Variants in RAD52 observed in about 807,000 individuals in gnomAD.
RAD52 encodes RAD52 DNA repair protein.
Under a neutral mutation model 55.5 loss-of-function variants are expected in RAD52, and 47 were observed. The ratio of observed to expected loss-of-function variants is 0.85; its 90% confidence interval spans 0.67 to 1.08. The LOEUF (loss-of-function observed/expected upper bound fraction) is 1.08. Ranked by LOEUF, RAD52 falls within the 50% of genes least tolerant of loss-of-function variation. The pLI is 0.00. For synonymous variants in RAD52, 184 were observed against 198.9 expected, an observed-to-expected ratio of 0.92 and a Z score of 0.63; for missense variants, 468 against 522.8, an observed-to-expected ratio of 0.90 and a Z score of 1.02.
At chr12:965,972 C>G (rs925718483) in intron 1 of RAD52, among the ~76,000 whole-genome samples, 11 of 152,070 alleles carry the variant, frequency 7.2e-5, no homozygotes, top group Admixed American at 5.2e-4. Context: ...GCATGAACCA[C>G]TGTGCCTGGC....
intron 1 of RAD52, among the ~76,000 whole-genome samples, chr12:972,652 G>C (rs1958877148): frequency 6.6e-6 from 1 of 151,672 alleles, no homozygotes; most frequent in Non-Finnish European, 1.5e-5. Context: ...TGTAGTCCCA[G>C]CTACTCGGTA....
intron 1 of RAD52, among the ~76,000 whole-genome samples, chr12:986,783 T>C (rs1411467628): frequency 4.6e-5 from 7 of 151,600 alleles, no homozygotes; most frequent in Admixed American, 4.6e-4. Flanking sequence ...CTGATTATTC[T>C]GTTTAATTCT....
intron 1 of RAD52, among the ~76,000 whole-genome samples, chr12:934,630 C>T (rs1320896737): frequency 6.6e-6 from 1 of 152,106 alleles, no homozygotes; most frequent in Non-Finnish European, 1.5e-5. Flanking sequence ...AATACCCAAC[C>T]TGTACTAGCT....
intron 1 of RAD52, among the ~76,000 whole-genome samples, chr12:964,753 T>G (rs1287273237): frequency 6.6e-6 from 1 of 152,018 alleles, no homozygotes; most frequent in Admixed American, 6.6e-5. Flanking sequence ...AATTTTTTTA[T>G]GTTTATAGAA....
Position 912,402 on chromosome 12 carries a change from A to G in RAD52, c.*989T>C. On this transcript the variant is annotated 3_prime_UTR_variant, in exon 12 of 12. Coordinates refer to ENST00000358495, the MANE Select transcript of RAD52 (RefSeq NM_134424.4). Reference sequence around the variant, plus strand: ...ATTATGTGTATGAGGCATATACACGAAACACAGGTGAATTCCACGTTCAGA... The same window carrying G: ...ATTATGTGTATGAGGCATATACACGGAACACAGGTGAATTCCACGTTCAGA... 1 of 202,720 alleles carries G rather than the reference A, an allele frequency of 4.9e-6. No homozygotes were observed. Among genetic ancestry groups the G allele is most frequent in the Non-Finnish European group, 1.0e-5 (1 of 98,474 alleles). The allele number at this position is 202,720 out of a possible 1,614,324, so 12.6% of individuals were successfully genotyped here. A position where few individuals can be genotyped will look rare whatever the true frequency, so the allele number is the denominator to read the frequency against.
At chr12:990,390 G>C (rs1204685646), upstream of RAD52, 1 of 151,798 alleles carries the variant, frequency 6.6e-6, no homozygotes, top group East Asian at 1.9e-4. Flanking sequence ...CAAAACCAAA[G>C]CCGGCTGCGA....
chr12:942,835 G>GT (rs1957992011), intron 1 of RAD52, among the ~76,000 whole-genome samples: 1 of 151,566 alleles, frequency 6.6e-6, no homozygotes, highest in Non-Finnish European at 1.5e-5. Context: ...TCAGAAAGCA[G>GT]TAACTATAAA....
chr12:937,904 G>T (rs953377038), intron 1 of RAD52, among the ~76,000 whole-genome samples: 1 of 152,160 alleles, frequency 6.6e-6, no homozygotes, highest in African/African-American at 2.4e-5. Context: ...GTGCCTGACA[G>T]GAGCTGGTGT....
intron 7 of RAD52, among the ~76,000 whole-genome samples, chr12:925,029 C>T (rs1956952065): frequency 6.7e-6 from 1 of 149,884 alleles, no homozygotes; most frequent in African/African-American, 2.5e-5. Flanking sequence ...CGGCTCACTG[C>T]AAGCTCTGCC....
In RAD52 at chr12:914,011, A is replaced by C; in HGVS notation, c.1078T>G (p.Leu360Val). The C allele has an allele frequency of 6.2e-7, 1 of 1,614,156 alleles. No homozygotes were observed. The highest frequency in any genetic ancestry group is 8.5e-7 in the Non-Finnish European group (1 of 1,180,040). ...TTCTGGGTCACCATCTGGTTGTTCA[A>C]GGCTAATGTGTCAGAGGTCTGGGCT... Reference protein sequence around the residue: ...DPAQTSDTLALNNQMVTQNRT... With the variant: ...DPAQTSDTLAVNNQMVTQNRT... Residue 360 changes from leucine (L) to valine (V), a missense_variant, in exon 11 of 12, where the codon TTG becomes GTG. Coordinates refer to ENST00000358495, the MANE Select transcript of RAD52 (RefSeq NM_134424.4).
At chr12:916,878 TC>T (rs1463561276) in intron 7 of RAD52, 58 bp from the exon 8 acceptor site, 1 of 1,558,472 alleles carries the variant, frequency 6.4e-7, no homozygotes, top group Non-Finnish European at 8.7e-7. Context: ...CCGCTGCTTC[TC>T]CCTGACTCAC....
intron 7 of RAD52, among the ~76,000 whole-genome samples, chr12:919,647 A>T (rs1956603554): frequency 7.1e-6 from 1 of 139,930 alleles, no homozygotes; most frequent in Admixed American, 7.1e-5. Flanking sequence ...GCTACTCAGG[A>T]GGCTGAGGCA....
intron 7 of RAD52, among the ~76,000 whole-genome samples, chr12:920,673 G>A (rs560151680): frequency 1.3e-5 from 2 of 152,056 alleles, no homozygotes; most frequent in Non-Finnish European, 2.9e-5. Context: ...GGATTGTAAG[G>A]TGAAATAAAA....
chr12:983,648 G>A (rs1959049282), intron 1 of RAD52, among the ~76,000 whole-genome samples: 1 of 152,126 alleles, frequency 6.6e-6, no homozygotes, highest in African/African-American at 2.4e-5. Context: ...TCCAACTCCT[G>A]ACCTCAGGTG....
At chr12:972,685 GA>G (rs1291783481) in intron 1 of RAD52, among the ~76,000 whole-genome samples, 1 of 147,230 alleles carries the variant, frequency 6.8e-6, no homozygotes, top group Non-Finnish European at 1.5e-5. Context: ...AGAATGGCGT[GA>G]ACCCAGGAGG....
In RAD52 at chr12:986,032, T is replaced by G. The variant is rs373966213; in HGVS notation, c.-19+3777A>C. 4.0e-5 allele frequency among the ~76,000 whole-genome samples: 6 copies of G among 151,714 alleles called. No homozygotes were observed. In the East Asian group the frequency reaches 1.2e-3, roughly 30 times the overall value. ...TCACTGCAACCTCTGCCTCCCAGGT[T>G]CAAGTGATTCTCCTGCCTCAGCCTC... is the stretch of plus-strand genomic sequence containing the variant. On this transcript the variant is annotated intron_variant, in intron 1 of 11. Transcript: ENST00000430095.
intron 1 of RAD52, among the ~76,000 whole-genome samples, chr12:957,236 T>A (rs565718454): frequency 1.3e-3 from 193 of 151,990 alleles, no homozygotes; most frequent in African/African-American, 3.1e-3. Context: ...GGCAGGTGGA[T>A]CATCTGAGGT....
At chr12:963,544 A>G (rs1479111312) in intron 1 of RAD52, among the ~76,000 whole-genome samples, 1 of 152,206 alleles carries the variant, frequency 6.6e-6, no homozygotes, top group Non-Finnish European at 1.5e-5. Flanking sequence ...TAAATATGGT[A>G]TAGCTTTCCA....
At position 974,514 on chromosome 12, in the gene RAD52, C is replaced by T. The variant is rs1447185202; in HGVS notation, c.-19+15295G>A. On this transcript the variant is annotated intron_variant, in intron 1 of 11. Transcript: ENST00000430095. Reference sequence around the variant, plus strand: ...TCCGAGGGAACTGAAGAGTGGCCAACTCAGACCCCTGGAGCTGTAGAAAGG... The same window carrying T: ...TCCGAGGGAACTGAAGAGTGGCCAATTCAGACCCCTGGAGCTGTAGAAAGG... 3.3e-5 allele frequency: 5 copies of T among 152,232 alleles called. No homozygotes were observed. In the South Asian group the frequency reaches 1.0e-3, roughly 32 times the overall value. 9.4% of individuals were successfully genotyped at this position (152,232 alleles called of 1,614,324 possible).
Sources: gnomAD v4.1 joint callset for allele counts (sites outside exome capture counted in the v4.1 genomes callset) on GRCh38, gnomAD v4.1.1 for gene constraint, MANE v1.5 for transcripts, NCBI Gene and HGNC (gene_info 2026-07-23, HGNC 2026-07-21) for gene names.